The following ZFAND6 variants were observed in gnomAD, a reference collection of about 807,000 sequenced individuals.
ZFAND6 encodes zinc finger AN1-type containing 6.
Under a neutral mutation model 24.5 loss-of-function variants are expected in ZFAND6, and 12 were observed. The observed-to-expected ratio is 0.49, with a 90% CI of 0.31 to 0.79. The LOEUF (loss-of-function observed/expected upper bound fraction) is 0.79, where lower values mean the gene tolerates loss of function less well. Among genes scored for constraint, ZFAND6 ranks in the 30% least tolerant of loss-of-function variants. The pLI is 0.04. For missense variants in ZFAND6, 207 were observed against 245.9 expected, an observed-to-expected ratio of 0.84 and a Z score of 1.06; for synonymous variants, 92 against 81.5, an observed-to-expected ratio of 1.13 and a Z score of -0.69.
chr15:80,069,933 T>C (rs925502010), intron 1 of ZFAND6, among the ~76,000 whole-genome samples: 11 of 152,060 alleles, frequency 7.2e-5, no homozygotes, highest in African/African-American at 2.4e-4. Context: ...TTATTCCCCA[T>C]TGAGGTGTTT....
At chr15:80,103,051 AG>A (rs765699004) in intron 2 of ZFAND6, among the ~76,000 whole-genome samples, 33 of 152,322 alleles carry the variant, frequency 2.2e-4, no homozygotes, top group East Asian at 1.3e-3. Flanking sequence ...GTGTTCATCC[AG>A]GTCTAATCAC....
At chr15:80,087,472 A>G (rs571581045) in intron 1 of ZFAND6, among the ~76,000 whole-genome samples, 3 of 152,344 alleles carry the variant, frequency 2.0e-5, no homozygotes, top group East Asian at 1.9e-4. Flanking sequence ...TGTCATTCCA[A>G]TGCTCATTCT....
chr15:80,081,394 CT>C (rs2037659438), intron 1 of ZFAND6, among the ~76,000 whole-genome samples: 1 of 152,126 alleles, frequency 6.6e-6, no homozygotes, highest in African/African-American at 2.4e-5. Flanking sequence ...GTGTTAAAGA[CT>C]TTAGACAAAT....
intron 2 of ZFAND6, among the ~76,000 whole-genome samples, chr15:80,101,791 G>GT (rs750632508): frequency 0.051 from 6,277 of 123,048 alleles, 408 homozygotes; most frequent in East Asian, 0.21. Flanking sequence ...TATGTAAAGT[G>GT]TTTTTTTTTT....
At chr15:80,133,006 T>C (rs547980419) in intron 6 of ZFAND6, among the ~76,000 whole-genome samples, 2 of 152,248 alleles carry the variant, frequency 1.3e-5, no homozygotes, top group African/African-American at 4.8e-5. Context: ...ACAACAACTT[T>C]GTACTTTTTT....
intron 2 of ZFAND6, among the ~76,000 whole-genome samples, chr15:80,102,357 C>T (rs2039081854): frequency 6.6e-6 from 1 of 152,004 alleles, no homozygotes; most frequent in Non-Finnish European, 1.5e-5. Flanking sequence ...GATCCACCCG[C>T]CTCCCACTCG....
chr15:80,104,260 C>G (rs1349160764), intron 2 of ZFAND6, among the ~76,000 whole-genome samples: 2 of 152,156 alleles, frequency 1.3e-5, no homozygotes, highest in African/African-American at 4.8e-5. Context: ...GCGGTTCACG[C>G]CTTATAATCC....
chr15:80,115,371 G>C (rs1284974486), intron 2 of ZFAND6, among the ~76,000 whole-genome samples: 1 of 152,054 alleles, frequency 6.6e-6, no homozygotes, highest in Non-Finnish European at 1.5e-5. Flanking sequence ...TAAAGTATCT[G>C]GTAGAGTGAT....
intron 1 of ZFAND6, among the ~76,000 whole-genome samples, chr15:80,076,629 T>C (rs2037296577): frequency 6.6e-6 from 1 of 152,194 alleles, no homozygotes; most frequent in African/African-American, 2.4e-5. Flanking sequence ...TGTTAGTCTT[T>C]TCGAACCAGT....
In ZFAND6 at chr15:80,089,662, G is replaced by A. The variant is rs140516935; in HGVS notation, c.-180-8754G>A. Among the ~76,000 whole-genome samples, 212 of 152,218 alleles carry A rather than the reference G, an allele frequency of 1.4e-3. 1 individual carries two copies. The highest frequency in any genetic ancestry group is 4.8e-3 in the African/African-American group (201 of 41,526). ...ACCATAGGCTGATTGATGATCACTT[G>A]TATAGACTCCATTGCCTGTGGAAAT... On this transcript the variant is annotated intron_variant, in intron 1 of 6. Coordinates refer to ENST00000261749, the MANE Select transcript of ZFAND6 (RefSeq NM_019006.4).
At chr15:80,103,999 C>G (rs1326068638) in intron 2 of ZFAND6, among the ~76,000 whole-genome samples, 1 of 152,120 alleles carries the variant, frequency 6.6e-6, no homozygotes, top group African/African-American at 2.4e-5. Flanking sequence ...CAGCTGTGCA[C>G]CACCACACCC....
At chr15:80,063,455 G>A (rs1180170142) in intron 1 of ZFAND6, among the ~76,000 whole-genome samples, 2 of 151,722 alleles carry the variant, frequency 1.3e-5, no homozygotes, top group East Asian at 3.9e-4. Context: ...GCAACGGTGC[G>A]ATCTCAGCTC....
intron 1 of ZFAND6, among the ~76,000 whole-genome samples, chr15:80,062,703 TATTTA>T (rs1409860204): frequency 6.6e-6 from 1 of 152,232 alleles, no homozygotes; most frequent in East Asian, 1.9e-4. Context: ...CCTTATTTTT[TATTTA>T]ATTATAAGGA....
chr15:80,089,269 T>TG (rs573049295), intron 1 of ZFAND6, among the ~76,000 whole-genome samples: 1,711 of 137,836 alleles, frequency 0.012, 26 homozygotes, highest in Middle Eastern at 0.018. Context: ...GTTTTTTTTT[T>TG]TTTTTTTTTT....
intron 1 of ZFAND6, among the ~76,000 whole-genome samples, chr15:80,065,201 A>G (rs1311971549): frequency 2.0e-5 from 3 of 150,478 alleles, no homozygotes; most frequent in African/African-American, 7.3e-5. Flanking sequence ...TCTGGGATTT[A>G]TTTTGACATA....
At chr15:80,133,775 C>G (rs2040728633) in intron 6 of ZFAND6, among the ~76,000 whole-genome samples, 1 of 152,116 alleles carries the variant, frequency 6.6e-6, no homozygotes, top group Admixed American at 6.6e-5. Flanking sequence ...TGCGCAAATG[C>G]AGTTGGGTTT....
intron 2 of ZFAND6, among the ~76,000 whole-genome samples, chr15:80,103,775 A>G (rs1389561373): frequency 6.6e-6 from 1 of 152,192 alleles, no homozygotes; most frequent in Non-Finnish European, 1.5e-5. Context: ...TGATAGAACA[A>G]AAGCAGACAC....
intron 1 of ZFAND6, among the ~76,000 whole-genome samples, chr15:80,095,493 A>G (rs1212983920): frequency 6.6e-6 from 1 of 152,216 alleles, no homozygotes; most frequent in East Asian, 1.9e-4. Context: ...AATATATACC[A>G]GTCCTCATCA....
rs997967361 is a variant in ZFAND6, at chr15:80,099,911, G to A, written c.-18+1333G>A. Reference sequence around the variant, plus strand: ...AGATGACCAGCGTGAGCCACCTTGCGCGGCCGAATATGGATATTCATAATG... The same window carrying A: ...AGATGACCAGCGTGAGCCACCTTGCACGGCCGAATATGGATATTCATAATG... On this transcript the variant is annotated intron_variant, in intron 2 of 6. Transcript: ENST00000261749. Among the ~76,000 whole-genome samples the A allele has an allele frequency of 5.3e-5, 8 of 152,240 alleles. No individual in the cohort carries two copies. The South Asian group carries it at 6.2e-4, about 12-fold the overall frequency.
Sources: allele counts gnomAD v4.1 joint callset (sites outside exome capture counted in the v4.1 genomes callset), GRCh38; gene constraint gnomAD v4.1.1; transcripts MANE v1.5; gene names NCBI Gene and HGNC (gene_info 2026-07-23, HGNC 2026-07-21).